The following KCND3 variants were observed in gnomAD, a reference collection of about 807,000 sequenced individuals.
KCND3 encodes potassium voltage-gated channel subfamily D member 3.
KCND3 carries 9 observed loss-of-function variants against 51.1 expected under a neutral mutation model. The observed-to-expected ratio is 0.18, with a 90% CI of 0.11 to 0.31. The LOEUF (loss-of-function observed/expected upper bound fraction) is 0.31. Among genes scored for constraint, KCND3 ranks in the 10% least tolerant of loss-of-function variants. The pLI is 1.00. For synonymous variants in KCND3, 349 were observed against 368.0 expected, an observed-to-expected ratio of 0.95 and a Z score of 0.59; for missense variants, 526 against 903.8, an observed-to-expected ratio of 0.58 and a Z score of 5.36.
intron 2 of KCND3, among the ~76,000 whole-genome samples, chr1:111,874,058 A>C (rs1668944968): frequency 6.6e-6 from 1 of 152,196 alleles, no homozygotes; most frequent in South Asian, 2.1e-4. Flanking sequence ...ATACTCAGAA[A>C]GCTTCCAAGC....
chr1:111,815,907 C>T (rs2101585527), intron 2 of KCND3, among the ~76,000 whole-genome samples: 1 of 152,136 alleles, frequency 6.6e-6, no homozygotes, highest in African/African-American at 2.4e-5. Context: ...AAAATTCCTC[C>T]TTGGAAAGCT....
chr1:111,865,974 G>A (rs1668544210), intron 2 of KCND3, among the ~76,000 whole-genome samples: 1 of 152,136 alleles, frequency 6.6e-6, no homozygotes, highest in Admixed American at 6.5e-5. Context: ...CCAAAGTGCT[G>A]GGATTACAGG....
intron 2 of KCND3, among the ~76,000 whole-genome samples, chr1:111,822,211 TTTAA>T (rs1189523277): frequency 6.6e-6 from 1 of 152,204 alleles, no homozygotes; most frequent in Non-Finnish European, 1.5e-5. Flanking sequence ...TAAGCAATTT[TTTAA>T]CTGTAGTAAG....
At chr1:111,987,392 C>T (rs576711984) in intron 1 of KCND3, among the ~76,000 whole-genome samples, 4 of 152,344 alleles carry the variant, frequency 2.6e-5, no homozygotes. Flanking sequence ...CCAGGGCAAT[C>T]TTCCTAAAGA....
chr1:111,921,535 A>AG (rs1671475087), intron 2 of KCND3, among the ~76,000 whole-genome samples: 1 of 152,226 alleles, frequency 6.6e-6, no homozygotes, highest in Non-Finnish European at 1.5e-5. Flanking sequence ...CTGAAAGGGC[A>AG]GGGGAGGGAG....
chr1:111,859,207 C>G (rs1372546735), intron 2 of KCND3, among the ~76,000 whole-genome samples: 1 of 152,238 alleles, frequency 6.6e-6, no homozygotes, highest in African/African-American at 2.4e-5. Flanking sequence ...GTGTCAGGCT[C>G]CTGCTGGGAA....
intron 2 of KCND3, among the ~76,000 whole-genome samples, chr1:111,895,969 C>T (rs990691916): frequency 1.3e-5 from 2 of 152,260 alleles, no homozygotes; most frequent in Non-Finnish European, 2.9e-5. Flanking sequence ...CTGCCATCCC[C>T]TCAGGCATGA....
chr1:111,971,867 G>C (rs879819381), intron 2 of KCND3, among the ~76,000 whole-genome samples: 5 of 152,094 alleles, frequency 3.3e-5, no homozygotes, highest in Non-Finnish European at 7.4e-5. Context: ...CTTCTCTTCC[G>C]GGGTGTCATT....
rs1557766760 is a variant in KCND3 at position 111,981,520 on chromosome 1, C to A, written c.1106+101G>T. 2 of 1,541,068 alleles carry A rather than the reference C, an allele frequency of 1.3e-6. No individual in the cohort carries two copies. The highest frequency in any genetic ancestry group is 1.4e-5 in the African/African-American group (1 of 73,488). On this transcript the variant is annotated intron_variant, in intron 2 of 7. Coordinates refer to ENST00000302127, the MANE Select transcript of KCND3 (RefSeq NM_001378969.1). The surrounding 1 kb of genome is among the most constrained non-coding windows in gnomAD (Gnocchi z 6.2). ...CTGCCCCCAACACTTGGGTAAGGGA[C>A]TCCCTCCTCCTCTACCCATGGTGAC...
chr1:111,821,100 G>A (rs1666326975), intron 2 of KCND3, among the ~76,000 whole-genome samples: 1 of 152,212 alleles, frequency 6.6e-6, no homozygotes, highest in Non-Finnish European at 1.5e-5. Flanking sequence ...TTCAAGGACA[G>A]GATCTGTTTT....
chr1:111,846,352 C>T (rs1242918556), intron 2 of KCND3, among the ~76,000 whole-genome samples: 1 of 152,174 alleles, frequency 6.6e-6, no homozygotes, highest in East Asian at 1.9e-4. Flanking sequence ...CTTTCGGGAG[C>T]TCTTCCCTGA....
At chr1:111,778,338 A>T in intron 6 of KCND3, 98 bp downstream of exon 6, 1 of 1,087,056 alleles carries the variant, frequency 9.2e-7, no homozygotes, top group Non-Finnish European at 1.4e-6. Flanking sequence ...AATCAGCAGC[A>T]CATGCACAGA....
intron 2 of KCND3, among the ~76,000 whole-genome samples, chr1:111,891,132 T>C (rs966305345): frequency 6.6e-6 from 1 of 152,212 alleles, no homozygotes; most frequent in African/African-American, 2.4e-5. Context: ...TTTGCCCTAT[T>C]TCCTAAATCT....
At chr1:111,889,387 G>A (rs1406853280) in intron 2 of KCND3, among the ~76,000 whole-genome samples, 1 of 152,218 alleles carries the variant, frequency 6.6e-6, no homozygotes, top group African/African-American at 2.4e-5. Context: ...GGCATTTATG[G>A]AGCACTGGCT....
At chr1:111,922,014 G>A (rs563970820) in intron 2 of KCND3, among the ~76,000 whole-genome samples, 1 of 152,270 alleles carries the variant, frequency 6.6e-6, no homozygotes, top group South Asian at 2.1e-4. Context: ...CAACAGCCAC[G>A]GTGTTCTCTT....
In KCND3 at chr1:111,982,992, T is replaced by C. The variant is rs1439830497; in HGVS notation, c.-72-194A>G. On this transcript the variant is annotated intron_variant, in intron 1 of 7. Transcript: ENST00000302127. The surrounding 1 kb of genome is among the most constrained non-coding windows in gnomAD (Gnocchi z 8.5). ...AGACACTGGGAGAACACCTAGCTCC[T>C]GGAGCTCGGCAGGGTGGGATCGCCA... 6.6e-6 allele frequency among the ~76,000 whole-genome samples: 1 copy of C among 152,158 alleles called. No individual in the cohort carries two copies. Among genetic ancestry groups the C allele is most frequent in the African/African-American group, 2.4e-5 (1 of 41,460 alleles).
At position 111,898,078 on chromosome 1, in the gene KCND3, T is replaced by C. The variant is rs1670205262; in HGVS notation, c.1106+83543A>G. Among the ~76,000 whole-genome samples, 3 of 152,170 alleles carry C rather than the reference T, an allele frequency of 2.0e-5. No homozygotes were observed. The South Asian group carries it at 6.2e-4, about 31-fold the overall frequency. ...TTGCATCTCAGCTTAACATTTTACC[T>C]ATGACCCTACGCATGGTCCTTGTCC... On this transcript the variant is annotated intron_variant, in intron 2 of 7. Coordinates refer to ENST00000302127, the MANE Select transcript of KCND3 (RefSeq NM_001378969.1).
intron 2 of KCND3, among the ~76,000 whole-genome samples, chr1:111,918,064 T>C (rs1458482149): frequency 6.6e-6 from 1 of 152,180 alleles, no homozygotes; most frequent in African/African-American, 2.4e-5. Context: ...AGACTAAAAC[T>C]TAAAATACCC....
At chr1:111,790,800 G>A (rs561748301) in intron 2 of KCND3, among the ~76,000 whole-genome samples, 18 of 152,266 alleles carry the variant, frequency 1.2e-4, no homozygotes, top group African/African-American at 4.3e-4. Flanking sequence ...CCCCGTTTTG[G>A]ACAATTCATG....
Sources: gnomAD v4.1 joint callset for allele counts (sites outside exome capture counted in the v4.1 genomes callset) on GRCh38, gnomAD v4.1.1 for gene constraint, Gnocchi (gnomAD v3.1) non-coding constraint, MANE v1.5 for transcripts, NCBI Gene and HGNC (gene_info 2026-07-23, HGNC 2026-07-21) for gene names.